The following NFKBID variants were observed in gnomAD, a reference collection of about 807,000 sequenced individuals.
NFKBID encodes NFKB inhibitor delta.
A neutral mutation model predicts 53.4 loss-of-function variants in NFKBID; 26 were observed. The ratio of observed to expected loss-of-function variants is 0.49; its 90% CI spans 0.36 to 0.68. The LOEUF is 0.68. Among genes scored for constraint, NFKBID ranks in the 30% least tolerant of loss-of-function variants. The pLI is 0.00. For missense variants in NFKBID, 493 were observed against 614.1 expected, an observed-to-expected ratio of 0.80 and a Z score of 2.08; for synonymous variants, 262 against 259.8, an observed-to-expected ratio of 1.01 and a Z score of -0.08.
intron 11 of NFKBID, among the ~76,000 whole-genome samples, chr19:35,888,867 G>A (rs138567140): frequency 2.6e-5 from 4 of 152,222 alleles, no homozygotes; most frequent in African/African-American, 2.4e-5. Flanking sequence ...CCAACATGGC[G>A]AAACCCCGCC....
chr19:35,899,437 C>T (rs997322970), intron 1 of NFKBID, among the ~76,000 whole-genome samples: 1 of 151,464 alleles, frequency 6.6e-6, no homozygotes, highest in Non-Finnish European at 1.5e-5. Context: ...TGGTGGCAGG[C>T]GGCTGTATAT....
intron 11 of NFKBID, among the ~76,000 whole-genome samples, chr19:35,889,302 G>C (rs1974590942): frequency 6.6e-6 from 1 of 152,042 alleles, no homozygotes; most frequent in Admixed American, 6.6e-5. Flanking sequence ...GCTGCAGTGA[G>C]CTATGATCAT....
At chr19:35,901,954 T>C, upstream of NFKBID, 1 of 564,476 alleles carries the variant, frequency 1.8e-6, no homozygotes, top group Non-Finnish European at 3.2e-6. Context: ...ATTCAGTGTG[T>C]GTTGTGATAG....
rs181184557 is a variant in NFKBID at position 35,892,404 on chromosome 19, G to T, written c.1033-1914C>A. ...ATTATTACTAAAAATACAAAAATTA[G>T]TGGGGTGTGATAGCACATGCCTATA... On this transcript the variant is annotated intron_variant, in intron 9 of 11. Transcript: ENST00000641389. 9.0e-4 allele frequency among the ~76,000 whole-genome samples: 136 copies of T among 151,942 alleles called. 1 individual carries two copies. The highest frequency in any genetic ancestry group is 3.2e-3 in the African/African-American group (131 of 41,434).
chr19:35,900,201 C>T (rs1384993434), intron 1 of NFKBID, among the ~76,000 whole-genome samples: 1 of 151,210 alleles, frequency 6.6e-6, no homozygotes, highest in Non-Finnish European at 1.5e-5. Flanking sequence ...AGCCCTTGCA[C>T]CCTCGGGGCC....
At chr19:35,890,918 G>A (rs535323467) in intron 9 of NFKBID, among the ~76,000 whole-genome samples, 2 of 152,180 alleles carry the variant, frequency 1.3e-5, no homozygotes, top group South Asian at 4.2e-4. Context: ...GCCCCACCAA[G>A]AGTGCCTTAT....
intron 2 of NFKBID, 55 bp from the exon 3 acceptor site, chr19:35,898,587 C>T (rs1372663896): frequency 5.5e-6 from 8 of 1,444,256 alleles, no homozygotes; most frequent in Non-Finnish European, 7.5e-6. Flanking sequence ...CAGATTCCTC[C>T]GGGTCTGTCT....
At position 35,899,924 on chromosome 19, in the gene NFKBID, C is replaced by T. The variant is rs564496069; in HGVS notation, c.61+518G>A. ...GCCGATCGTGGCGCTCGTGGAATCC[C>T]CGCGCAAGGGGAATTCCTGCTCAGC... On this transcript the variant is annotated intron_variant, in intron 1 of 11. Coordinates refer to ENST00000641389, the Ensembl canonical transcript of NFKBID. 3.8e-3 allele frequency among the ~76,000 whole-genome samples: 585 copies of T among 152,180 alleles called. 8 individuals are homozygous for T. The highest frequency in any genetic ancestry group is 0.012 in the African/African-American group (519 of 41,538).
At chr19:35,890,846 A>G (rs934943202) in intron 9 of NFKBID, 14 of 346,070 alleles carry the variant, frequency 4.0e-5, no homozygotes, top group African/African-American at 2.8e-4. Context: ...CATGGGTGAC[A>G]GAGTGACACT....
upstream of NFKBID, chr19:35,901,907 T>G: frequency 2.1e-6 from 1 of 467,420 alleles, no homozygotes; most frequent in South Asian, 2.3e-5. Context: ...CCCTCCCTCT[T>G]TCTCCATTTC....
At chr19:35,891,400 G>A (rs2146939129) in intron 9 of NFKBID, among the ~76,000 whole-genome samples, 1 of 152,138 alleles carries the variant, frequency 6.6e-6, no homozygotes, top group Admixed American at 6.5e-5. Flanking sequence ...GATTAAGAGT[G>A]ATTTGAAAAG....
exon 12 of NFKBID, chr19:35,888,587 C>A: frequency 6.4e-7 from 1 of 1,572,536 alleles, no homozygotes; most frequent in Non-Finnish European, 8.6e-7. Flanking sequence ...CGGCGCCACA[C>A]GGCTCCTCTT....
rs756954336 is a variant in NFKBID, at chr19:35,897,875, G to A, written c.227-19C>T. The A allele has an allele frequency of 1.3e-6, 2 of 1,513,682 alleles. No homozygotes were observed. The highest frequency in any genetic ancestry group is 8.9e-7 in the Non-Finnish European group (1 of 1,126,334). 93.8% of individuals were successfully genotyped at this position (1,513,682 alleles called of 1,614,324 possible). A position where few individuals can be genotyped will look rare whatever the true frequency, so the allele number is the denominator to read the frequency against. On this transcript the variant is annotated intron_variant, in intron 3 of 11. Coordinates refer to ENST00000641389, the Ensembl canonical transcript of NFKBID. Reference sequence around the variant, plus strand: ...GGGTGGCCTGCGTGTAAGAGGAGGGGCAGGGGCAGGTCTGGTTACCAGAGT... The same window carrying A: ...GGGTGGCCTGCGTGTAAGAGGAGGGACAGGGGCAGGTCTGGTTACCAGAGT...
chr19:35,900,357 C>G, intron 1 of NFKBID, 85 bp downstream of exon 1: 8 of 1,045,234 alleles, frequency 7.7e-6, no homozygotes, highest in Non-Finnish European at 9.8e-6. Flanking sequence ...CGCTTCAGCT[C>G]CGTCCCTCAG....
intron 11 of NFKBID, 50 bp downstream of exon 11, chr19:35,889,840 C>A: frequency 6.5e-7 from 1 of 1,537,302 alleles, no homozygotes; most frequent in African/African-American, 1.4e-5. Flanking sequence ...GGTCATCCCG[C>A]GCCCGCGAGC....
Position 35,891,767 on chromosome 19 carries a change from T to C in NFKBID, c.1033-1277A>G, listed in dbSNP as rs557676732. Among the ~76,000 whole-genome samples the C allele has an allele frequency of 2.0e-5, 3 of 152,016 alleles. No homozygotes were observed. The South Asian group carries it at 6.2e-4, about 32-fold the overall frequency. ...CTATAATCCCAGCTACTTGGGAGGC[T>C]GAGACACAGGAATAGCTTGAACCCG... is the stretch of plus-strand genomic sequence containing the variant. On this transcript the variant is annotated intron_variant, in intron 9 of 11. Transcript: ENST00000641389.
intron 1 of NFKBID, among the ~76,000 whole-genome samples, chr19:35,899,040 T>A (rs1568496741): frequency 6.6e-6 from 1 of 152,156 alleles, no homozygotes; most frequent in South Asian, 2.1e-4. Context: ...ACTTTCCCTC[T>A]GACCCAACTT....
intron 10 of NFKBID, 77 bp downstream of exon 10, chr19:35,890,297 C>A: frequency 9.6e-7 from 1 of 1,043,512 alleles, no homozygotes; most frequent in Non-Finnish European, 1.5e-6. Flanking sequence ...ACGTCCACAG[C>A]CCCCAGGACC....
At chr19:35,892,985 T>C (rs1974876358) in intron 9 of NFKBID, among the ~76,000 whole-genome samples, 1 of 152,114 alleles carries the variant, frequency 6.6e-6, no homozygotes, top group Admixed American at 6.6e-5. Context: ...GGCAACATAG[T>C]GAGACCCCCC....
Sources: allele counts gnomAD v4.1 joint callset (sites outside exome capture counted in the v4.1 genomes callset), GRCh38; gene constraint gnomAD v4.1.1; transcripts MANE v1.5; gene names NCBI Gene and HGNC (gene_info 2026-07-23, HGNC 2026-07-21).